OSGIN1: variants seen among roughly 807,000 people sequenced by gnomAD.
OSGIN1 encodes oxidative stress-induced growth inhibitor 1.
OSGIN1 carries 19 observed loss-of-function variants against 20.1 expected under a neutral mutation model. The observed-to-expected ratio is 0.95, with a 90% CI of 0.66 to 1.39. The LOEUF (loss-of-function observed/expected upper bound fraction) is 1.39. Among genes scored for constraint, OSGIN1 ranks in the 40% most tolerant of loss-of-function variants. The probability of loss-of-function intolerance (pLI) is 0.00; values close to 1 mark genes in which losing one functional copy is unlikely to be tolerated. For missense variants in OSGIN1, 820 were observed against 653.0 expected (o/e 1.26, Z -2.79); for synonymous variants, 368 against 297.8 (o/e 1.24, Z -2.43).
At chr16:83,957,183 TG>T (rs1355232265) in intron 1 of OSGIN1, 2 of 158,498 alleles carry the variant, frequency 1.3e-5, no homozygotes, top group African/African-American at 4.8e-5. Flanking sequence ...GGCCCGGGAA[TG>T]GGATAGGAAG....
chr16:83,955,053 C>A (rs560377329), intron 1 of OSGIN1, among the ~76,000 whole-genome samples: 1 of 152,148 alleles, frequency 6.6e-6, no homozygotes, highest in Non-Finnish European at 1.5e-5. Context: ...CCTCTCCTAG[C>A]CTTAGTCTCC....
intron 1 of OSGIN1, chr16:83,954,647 C>G (rs1908841234): frequency 2.0e-6 from 1 of 505,936 alleles, no homozygotes; most frequent in Non-Finnish European, 2.6e-6. Flanking sequence ...CTTCTCAGGT[C>G]CAGCCCCTGG....
Position 83,959,361 on chromosome 16 carries a change from C to T in OSGIN1, c.169C>T (p.Leu57Phe), listed in dbSNP as rs1452485293. The change falls in exon 3 of 6, where the codon CTC becomes TTC. Residue 57 changes from leucine to phenylalanine, a missense_variant. Physicochemically the swap from Leu to Phe is conservative, Grantham distance 22. Coordinates refer to ENST00000393306, the MANE Select transcript of OSGIN1 (RefSeq NM_182981.3). Reference sequence around the variant, plus strand: ...CCCACACCCCCTGCTGCAGAGGAAGCTCACCGAGGCCCCGGGGGTCTCCAT... The same window carrying T: ...CCCACACCCCCTGCTGCAGAGGAAGTTCACCGAGGCCCCGGGGGTCTCCAT... Reference protein sequence around the residue: ...IHPHPLLQRKLTEAPGVSILD... With the variant: ...IHPHPLLQRKFTEAPGVSILD... 1 of 1,613,874 alleles carries T rather than the reference C, an allele frequency of 6.2e-7. No individual in the cohort carries two copies. Among genetic ancestry groups the T allele is most frequent in the Non-Finnish European group, 8.5e-7 (1 of 1,179,980 alleles).
Position 83,965,687 on chromosome 16 carries a change from G to C in OSGIN1, c.1114G>C (p.Asp372His). 1.9e-6 allele frequency: 3 copies of C among 1,613,632 alleles called. No individual in the cohort carries two copies. Among genetic ancestry groups the C allele is most frequent in the Non-Finnish European group, 1.7e-6 (2 of 1,180,028 alleles). ...PRHQLLCFKE[D>H]CQAVFQDLEG... ...GCACCAGCTGCTGTGCTTCAAGGAA[G>C]ACTGCCAGGCCGTGTTCCAGGACCT... is the stretch of plus-strand genomic sequence containing the variant. The change falls in exon 6 of 6, where the codon GAC (aspartate) becomes CAC (histidine). Residue 372 changes from aspartate (D) to histidine (H), a missense_variant. By Grantham distance (81) the Asp-to-His change is moderately conservative. Coordinates refer to ENST00000393306, the MANE Select transcript of OSGIN1 (RefSeq NM_182981.3).
Position 83,966,117 on chromosome 16 carries a change from G to A in OSGIN1, c.*110G>A, listed in dbSNP as rs1373643874. The A allele has an allele frequency of 1.4e-5, 13 of 900,010 alleles. No homozygotes were observed. The highest frequency in any genetic ancestry group is 5.9e-5 in the Admixed American group (2 of 33,970). 55.8% of individuals were successfully genotyped at this position (900,010 alleles called of 1,614,324 possible). A position where few individuals can be genotyped will look rare whatever the true frequency, so the allele number is the denominator to read the frequency against. On this transcript the variant is annotated 3_prime_UTR_variant, in exon 6 of 6. Transcript: ENST00000393306. ...GCCCCGGGGAGGGGTGTCAGCCCAC[G>A]TTGCTGGCCTTTGGGGTCAAGAGGA...
In OSGIN1 at chr16:83,965,538, C is replaced by G; in HGVS notation, c.965C>G (p.Pro322Arg). 1 of 1,612,766 alleles carries G rather than the reference C, an allele frequency of 6.2e-7. No individual in the cohort carries two copies. The highest frequency in any genetic ancestry group is 8.5e-7 in the Non-Finnish European group (1 of 1,180,012). The change falls in exon 6 of 6, where the codon CCT becomes CGT. Residue 322 changes from proline to arginine, a missense_variant. Physicochemically the swap from Pro to Arg is moderately radical, Grantham distance 103. Coordinates refer to ENST00000393306, the MANE Select transcript of OSGIN1 (RefSeq NM_182981.3). Reference sequence around the variant, plus strand: ...GCCTTCCGCCGGGCCGTGGACGACCCTGGCCTGGTGTTCAACCAGCTGCCC... The same window carrying G: ...GCCTTCCGCCGGGCCGTGGACGACCGTGGCCTGGTGTTCAACCAGCTGCCC... ...IHAFRRAVDD[P>R]GLVFNQLPKM...
At position 83,961,039 on chromosome 16, in the gene OSGIN1, T is replaced by G. The variant is rs2151077508; in HGVS notation, c.455T>G (p.Leu152Arg). The stretch of plus-strand genomic sequence containing the variant: ...GGCCAGTGGATGGGGCTCCCGGACC[T>G]GGAGGTCAAGGACTGGATGCAGAAG... The part of the protein sequence containing the change: ...SQGQWMGLPD[L>R]EVKDWMQKKR... The change falls in exon 5 of 6, where the codon CTG (leucine) becomes CGG (arginine). Residue 152 changes from leucine (L) to arginine (R), a missense_variant. Leu to Arg is a moderately radical substitution (Grantham distance 102, BLOSUM62 -2). Transcript: ENST00000393306. 6.2e-7 allele frequency: 1 copy of G among 1,613,500 alleles called. No homozygotes were observed. The highest frequency in any genetic ancestry group is 2.2e-5 in the East Asian group (1 of 44,872).
chr16:83,959,994 T>C (rs1355853793), intron 3 of OSGIN1, among the ~76,000 whole-genome samples: 3 of 152,316 alleles, frequency 2.0e-5, no homozygotes, highest in Non-Finnish European at 4.4e-5. Flanking sequence ...CGACCTCCCC[T>C]TGTCGACCTC....
chr16:83,962,408 A>AT (rs1282198369), intron 5 of OSGIN1, among the ~76,000 whole-genome samples: 4 of 151,964 alleles, frequency 2.6e-5, no homozygotes, highest in South Asian at 2.1e-4. Context: ...CCGGCTAATT[A>AT]TTTTTTGTAT....
Position 83,965,480 on chromosome 16 carries a change from T to A in OSGIN1, c.907T>A (p.Tyr303Asn). 6.2e-7 allele frequency: 1 copy of A among 1,607,762 alleles called. No individual in the cohort carries two copies. ...AGLSAADAVL[Y>N]ARHYNIPVIH... ...GCTGTCAGCGGCCGACGCGGTCCTC[T>A]ACGCCCGCCACTACAACATCCCGGT... Residue 303 changes from tyrosine (Y) to asparagine (N), a missense_variant, in exon 6 of 6, where the codon TAC becomes AAC. Physicochemically the swap from Tyr to Asn is moderately radical, Grantham distance 143. Coordinates refer to ENST00000393306, the MANE Select transcript of OSGIN1 (RefSeq NM_182981.3).
rs777623058 is a variant in OSGIN1 at position 83,965,084 on chromosome 16, A to G, written c.511A>G (p.Thr171Ala). ...KRRGLRNSRATAGDIAHYYRD... is the reference protein window; with the variant it reads ...KRRGLRNSRAAAGDIAHYYRD... ...CAGAGGTCTTCGCAACAGCCGGGCC[A>G]CTGCCGGGGACATCGCCCACTACTA... is the stretch of plus-strand genomic sequence containing the variant. The change falls in exon 6 of 6, where the codon ACT becomes GCT. Residue 171 changes from threonine (T) to alanine (A), a missense_variant. Transcript: ENST00000393306. 1 of 1,416,982 alleles carries G rather than the reference A, an allele frequency of 7.1e-7. No individual in the cohort carries two copies. The highest frequency in any genetic ancestry group is 1.1e-5 in the South Asian group (1 of 88,134). The allele number at this position is 1,416,982 out of a possible 1,614,324, so 87.8% of individuals were successfully genotyped here.
At chr16:83,959,463 C>T (rs1909101683) in intron 3 of OSGIN1, 67 bp downstream of exon 3, 2 of 1,461,210 alleles carry the variant, frequency 1.4e-6, no homozygotes, top group African/African-American at 1.4e-5. Context: ...CCGCCGCTTT[C>T]CCAGGGAAAA....
At chr16:83,958,987 G>A (rs1404563687) in intron 2 of OSGIN1, among the ~76,000 whole-genome samples, 5 of 152,194 alleles carry the variant, frequency 3.3e-5, no homozygotes, top group African/African-American at 1.2e-4. Context: ...GAGGAAAAGA[G>A]TGGCACTTAC....
Position 83,965,243 on chromosome 16 carries a change from G to A in OSGIN1, c.670G>A (p.Gly224Ser), listed in dbSNP as rs200366219. 72 of 1,612,160 alleles carry A rather than the reference G, an allele frequency of 4.5e-5. No homozygotes were observed. The highest frequency in any genetic ancestry group is 3.6e-4 in the East Asian group (16 of 44,850). ...CTCCAGCCCCCTCTTCCAGGTGAGC[G>A]GCTTCCTGACCAGGAACCAGGCCCA... ...QDSSPLFQVSGFLTRNQAQQP... is the reference protein window; with the variant it reads ...QDSSPLFQVSSFLTRNQAQQP... The change falls in exon 6 of 6, where the codon GGC becomes AGC. Residue 224 changes from glycine to serine, a missense_variant. Physicochemically the swap from Gly to Ser is moderately conservative, Grantham distance 56 (BLOSUM62 0). Transcript: ENST00000393306.
rs759145242 is a variant in OSGIN1, at chr16:83,965,432, C to T, written c.859C>T (p.Pro287Ser). Residue 287 changes from proline (P) to serine (S), a missense_variant, in exon 6 of 6, where the codon CCT becomes TCT. Physicochemically the swap from Pro to Ser is moderately conservative, Grantham distance 74 (BLOSUM62 -1). Coordinates refer to ENST00000393306, the MANE Select transcript of OSGIN1 (RefSeq NM_182981.3). ...RVGAVTPASD[P>S]VLIIGAGLSA... ...GGGTGCGGTGACCCCGGCCTCAGAC[C>T]CTGTCCTCATCATTGGCGCGGGGCT... 3.8e-6 allele frequency: 6 copies of T among 1,590,694 alleles called. No individual in the cohort carries two copies. In the African/African-American group the frequency reaches 8.0e-5, roughly 21 times the overall value.
rs748659210 is a variant in OSGIN1, at chr16:83,965,167, C to A, written c.594C>A (p.Val198=). 2.5e-6 allele frequency: 4 copies of A among 1,613,414 alleles called. No individual in the cohort carries two copies. The highest frequency in any genetic ancestry group is 2.5e-6 in the Non-Finnish European group (3 of 1,180,010). ...ATAACTTTGTGTCCGGTGCTGTAGT[C>A]ACAGCCGTGGAGTGGGGGACCCCCG... ...LGHNFVSGAV[V]TAVEWGTPDP... The change falls in exon 6 of 6, where the codon GTC becomes GTA. Residue 198 remains valine (V), a synonymous_variant. Coordinates refer to ENST00000393306, the MANE Select transcript of OSGIN1 (RefSeq NM_182981.3).
chr16:83,963,034 T>C (rs981971189), intron 5 of OSGIN1, among the ~76,000 whole-genome samples: 1 of 152,160 alleles, frequency 6.6e-6, no homozygotes, highest in African/African-American at 2.4e-5. Context: ...CCAGCGCAGA[T>C]ACCTGGGTGC....
At chr16:83,962,596 G>A (rs1430603270) in intron 5 of OSGIN1, among the ~76,000 whole-genome samples, 1 of 152,214 alleles carries the variant, frequency 6.6e-6, no homozygotes, top group East Asian at 1.9e-4. Context: ...CACAGCCTCA[G>A]GAGGTCCTGA....
In OSGIN1 at chr16:83,965,933, G is replaced by T; in HGVS notation, c.1360G>T (p.Val454Leu). Residue 454 changes from valine to leucine, a missense_variant, in exon 6 of 6, where the codon GTG becomes TTG. Coordinates refer to ENST00000393306, the MANE Select transcript of OSGIN1 (RefSeq NM_182981.3). ...AMGPLAGDNFVRFVQGGALAV... is the reference protein window; with the variant it reads ...AMGPLAGDNFLRFVQGGALAV... The stretch of plus-strand genomic sequence containing the variant: ...GGGGCCGCTGGCCGGGGACAACTTC[G>T]TGAGGTTTGTGCAGGGGGGCGCCTT... The T allele has an allele frequency of 6.2e-7, 1 of 1,612,348 alleles. No individual in the cohort carries two copies. The highest frequency in any genetic ancestry group is 8.5e-7 in the Non-Finnish European group (1 of 1,179,820).
Sources: gnomAD v4.1 joint callset for allele counts (sites outside exome capture counted in the v4.1 genomes callset) on GRCh38, gnomAD v4.1.1 for gene constraint, MANE v1.5 for transcripts, NCBI Gene and HGNC (gene_info 2026-07-23, HGNC 2026-07-21) for gene names.